The following SSH1 variants were observed in gnomAD, a reference collection of about 807,000 sequenced individuals.
The protein encoded by SSH1 is protein phosphatase Slingshot homolog 1.
SSH1 carries 43 observed loss-of-function variants against 79.7 expected under a neutral mutation model. The ratio of observed to expected loss-of-function variants is 0.54; its 90% CI spans 0.42 to 0.70. The LOEUF is 0.70. SSH1 is among the 30% of genes least tolerant of loss of function. The probability of loss-of-function intolerance (pLI) is 0.00; values close to 1 mark genes in which losing one functional copy is unlikely to be tolerated. For missense variants in SSH1, 1,206 were observed against 1,358.8 expected (o/e 0.89, Z 1.77); for synonymous variants, 599 against 538.3 (o/e 1.11, Z -1.56).
intron 12 of SSH1, 47 bp downstream of exon 12, chr12:108,800,733 C>G (rs1305475020): frequency 1.9e-6 from 3 of 1,605,868 alleles, no homozygotes; most frequent in African/African-American, 2.7e-5. Flanking sequence ...CTCTCCCAGC[C>G]TCAGCAGGTT....
chr12:108,818,109 G>C, intron 4 of SSH1, 140 bp downstream of exon 4: 1 of 699,216 alleles, frequency 1.4e-6, no homozygotes, highest in Non-Finnish European at 2.5e-6. Context: ...GAGGTGGGAA[G>C]ATTGCTTGAA....
rs2036252081 is a variant in SSH1 at position 108,785,670 on chromosome 12, C to T, written c.*2318G>A. 1 of 151,986 alleles carries T rather than the reference C, an allele frequency of 6.6e-6. No individual in the cohort carries two copies. Among genetic ancestry groups the T allele is most frequent in the African/African-American group, 2.4e-5 (1 of 41,366 alleles). 9.4% of individuals were successfully genotyped at this position (151,986 alleles called of 1,614,324 possible). A position where few individuals can be genotyped will look rare whatever the true frequency, so the allele number is the denominator to read the frequency against. On this transcript the variant is annotated 3_prime_UTR_variant, in exon 15 of 15. Coordinates refer to ENST00000326495, the MANE Select transcript of SSH1 (RefSeq NM_018984.4). ...AACTTGTACTCTCCAGATTCCACACCCCACCCCCCAACTCTTTAGATAAGA... is the reference window on the plus strand; with the variant it reads ...AACTTGTACTCTCCAGATTCCACACTCCACCCCCCAACTCTTTAGATAAGA...
intron 1 of SSH1, chr12:108,853,341 T>G: frequency 1.0e-6 from 1 of 985,330 alleles, no homozygotes; most frequent in Non-Finnish European, 1.2e-6. Context: ...TGACTTATTT[T>G]TATTTTTTTT....
intron 14 of SSH1, among the ~76,000 whole-genome samples, chr12:108,791,113 TTTTG>T (rs1593003852): frequency 6.6e-6 from 1 of 152,052 alleles, no homozygotes; most frequent in African/African-American, 2.4e-5. Context: ...TTACTATCAG[TTTTG>T]TTTTTGTTTT....
intron 2 of SSH1, among the ~76,000 whole-genome samples, chr12:108,833,357 C>T (rs372124032): frequency 1.3e-5 from 2 of 152,132 alleles, no homozygotes; most frequent in African/African-American, 2.4e-5. Flanking sequence ...CTGCACTGTG[C>T]GGGAAATGCT....
intron 5 of SSH1, among the ~76,000 whole-genome samples, chr12:108,814,597 C>A (rs2037795397): frequency 6.6e-6 from 1 of 152,188 alleles, no homozygotes; most frequent in Non-Finnish European, 1.5e-5. Flanking sequence ...ACAGGAAAGA[C>A]TGCTTAGTTC....
At chr12:108,855,668 G>A (rs2039129177) in intron 1 of SSH1, among the ~76,000 whole-genome samples, 1 of 152,202 alleles carries the variant, frequency 6.6e-6, no homozygotes, top group Non-Finnish European at 1.5e-5. Flanking sequence ...CTGAGATTAA[G>A]TGCATAAATT....
intron 2 of SSH1, among the ~76,000 whole-genome samples, chr12:108,833,426 TGAGACAGC>T (rs942577948): frequency 6.6e-6 from 1 of 152,256 alleles, no homozygotes; most frequent in African/African-American, 2.4e-5. Flanking sequence ...GAAATGTTTC[TGAGACAGC>T]TCAAAAATTC....
At chr12:108,789,803 C>T (rs376130171) in intron 14 of SSH1, among the ~76,000 whole-genome samples, 25 of 152,256 alleles carry the variant, frequency 1.6e-4, no homozygotes, top group African/African-American at 6.0e-4. Context: ...CCCGCCTGCA[C>T]AGGACTGTAG....
rs1207432778 is a variant in SSH1 at position 108,782,475 on chromosome 12, A to C, written c.*5513T>G. 6.6e-6 allele frequency: 1 copy of C among 152,144 alleles called. No individual in the cohort carries two copies. The highest frequency in any genetic ancestry group is 1.5e-5 in the Non-Finnish European group (1 of 68,022). The allele number at this position is 152,144 out of a possible 1,614,324, so 9.4% of individuals were successfully genotyped here. A position where few individuals can be genotyped will look rare whatever the true frequency, so the allele number is the denominator to read the frequency against. On this transcript the variant is annotated 3_prime_UTR_variant, in exon 15 of 15. Coordinates refer to ENST00000326495, the MANE Select transcript of SSH1 (RefSeq NM_018984.4). ...TGGGCCTGTTCTTGCTTACTGACAA[A>C]ATTAGAAAGAAAACAGACTAGTTCC...
intron 2 of SSH1, among the ~76,000 whole-genome samples, chr12:108,842,241 A>T (rs2038795319): frequency 6.6e-6 from 1 of 152,248 alleles, no homozygotes; most frequent in African/African-American, 2.4e-5. Flanking sequence ...CAAAAGGAAC[A>T]GCCAAACAGC....
intron 2 of SSH1, among the ~76,000 whole-genome samples, chr12:108,852,091 G>C (rs1371969110): frequency 1.3e-4 from 19 of 151,880 alleles, no homozygotes; most frequent in Non-Finnish European, 5.9e-5. Flanking sequence ...GTAATGTAAG[G>C]GTGGTAGAAT....
chr12:108,829,407 A>G (rs1464689859), intron 2 of SSH1, among the ~76,000 whole-genome samples: 1 of 152,212 alleles, frequency 6.6e-6, no homozygotes, highest in Non-Finnish European at 1.5e-5. Context: ...ATTCTACCAT[A>G]TATACTCTGA....
At chr12:108,798,698 C>T (rs770137868) in intron 13 of SSH1, among the ~76,000 whole-genome samples, 9 of 152,258 alleles carry the variant, frequency 5.9e-5, no homozygotes, top group South Asian at 2.1e-4. Flanking sequence ...CACGTGCTTA[C>T]GCCACACACA....
At chr12:108,815,749 C>T (rs2037856130) in intron 5 of SSH1, among the ~76,000 whole-genome samples, 1 of 152,210 alleles carries the variant, frequency 6.6e-6, no homozygotes, top group South Asian at 2.1e-4. Context: ...TTCCCAACCA[C>T]CCCAAGGCCA....
At chr12:108,832,053 T>G (rs776203838) in intron 2 of SSH1, among the ~76,000 whole-genome samples, 4 of 152,178 alleles carry the variant, frequency 2.6e-5, no homozygotes, top group Non-Finnish European at 4.4e-5. Context: ...TGTCCCTACA[T>G]TTTTCCACTT....
At chr12:108,799,724 A>G (rs2036906593) in intron 12 of SSH1, among the ~76,000 whole-genome samples, 1 of 152,194 alleles carries the variant, frequency 6.6e-6, no homozygotes, top group South Asian at 2.1e-4. Context: ...AGGGCCAGGG[A>G]GCAGGAGTAA....
At chr12:108,830,871 C>T (rs2038455702) in intron 2 of SSH1, among the ~76,000 whole-genome samples, 1 of 152,068 alleles carries the variant, frequency 6.6e-6, no homozygotes, top group Non-Finnish European at 1.5e-5. Flanking sequence ...TCTCCAACTC[C>T]TGAGCTCAAG....
chr12:108,791,508 C>T (rs1386170819), intron 14 of SSH1, among the ~76,000 whole-genome samples: 1 of 152,178 alleles, frequency 6.6e-6, no homozygotes, highest in East Asian at 1.9e-4. Context: ...CGTGGTGACT[C>T]AAACCTGTAA....
Sources: allele counts gnomAD v4.1 joint callset (sites outside exome capture counted in the v4.1 genomes callset), GRCh38; gene constraint gnomAD v4.1.1; transcripts MANE v1.5; gene names NCBI Gene and HGNC (gene_info 2026-07-23, HGNC 2026-07-21).